MYT1L: variants seen among roughly 807,000 people sequenced by gnomAD.
MYT1L encodes the protein myelin transcription factor 1-like protein.
MYT1L carries 12 observed loss-of-function variants against 126.7 expected under a neutral mutation model. The ratio of observed to expected loss-of-function variants is 0.09; its 90% CI spans 0.06 to 0.15. The LOEUF is 0.15. MYT1L is among the 10% of genes least tolerant of loss of function. The probability of loss-of-function intolerance (pLI) is 1.00; values close to 1 mark genes in which losing one functional copy is unlikely to be tolerated. For synonymous variants in MYT1L, 541 were observed against 604.2 expected (o/e 0.90, Z 1.53); for missense variants, 979 against 1,585.2 (o/e 0.62, Z 6.49).
chr2:1,940,532 T>A (rs372506339), intron 9 of MYT1L, among the ~76,000 whole-genome samples: 40 of 115,052 alleles, frequency 3.5e-4, no homozygotes, highest in East Asian at 5.2e-4. Context: ...AGGTTATCTC[T>A]CAACATCTCC....
chr2:2,230,592 T>A (rs999104456), intron 2 of MYT1L, among the ~76,000 whole-genome samples: 2 of 152,172 alleles, frequency 1.3e-5, no homozygotes, highest in Non-Finnish European at 2.9e-5. Flanking sequence ...CAAGGTGACA[T>A]GTGACAGTGT....
chr2:1,905,658 A>G (rs1291041067), intron 13 of MYT1L, among the ~76,000 whole-genome samples: 2 of 152,206 alleles, frequency 1.3e-5, no homozygotes, highest in Admixed American at 6.5e-5. Flanking sequence ...CTGGAGGAAG[A>G]CAGTAATTTT....
chr2:1,964,912 C>T (rs548837079), intron 8 of MYT1L, among the ~76,000 whole-genome samples: 9 of 152,252 alleles, frequency 5.9e-5, no homozygotes, highest in East Asian at 3.9e-4. Flanking sequence ...GACTGACAGC[C>T]GTGGGTACAG....
At chr2:1,897,468 G>C (rs1376780934) in intron 14 of MYT1L, among the ~76,000 whole-genome samples, 1 of 149,244 alleles carries the variant, frequency 6.7e-6, no homozygotes, top group Non-Finnish European at 1.5e-5. Context: ...TTTTTTGTTT[G>C]TTTGTTTGTT....
At chr2:2,158,618 A>AACATAAACAC (rs2087156825) in intron 3 of MYT1L, among the ~76,000 whole-genome samples, 1 of 144,310 alleles carries the variant, frequency 6.9e-6, no homozygotes, top group African/African-American at 2.6e-5. Flanking sequence ...CCATGGCATA[A>AACATAAACAC]ACACACACAC....
At chr2:1,967,573 G>A (rs2059465785) in intron 8 of MYT1L, among the ~76,000 whole-genome samples, 1 of 152,182 alleles carries the variant, frequency 6.6e-6, no homozygotes, top group African/African-American at 2.4e-5. Flanking sequence ...AAACCATACT[G>A]GCCTCAGGGA....
chr2:2,289,800 A>C (rs1393001312), intron 1 of MYT1L, among the ~76,000 whole-genome samples: 1 of 152,234 alleles, frequency 6.6e-6, no homozygotes, highest in Non-Finnish European at 1.5e-5. Flanking sequence ...GTATTATTTT[A>C]AGTGATTTAG....
chr2:1,906,554 C>A (rs892570296), intron 13 of MYT1L, among the ~76,000 whole-genome samples: 3 of 152,004 alleles, frequency 2.0e-5, no homozygotes, highest in Non-Finnish European at 4.4e-5. Context: ...ACTTTTATAG[C>A]AGTATTGGAT....
chr2:1,963,479 T>C (rs1177342164), intron 8 of MYT1L, among the ~76,000 whole-genome samples: 1 of 152,222 alleles, frequency 6.6e-6, no homozygotes, highest in Admixed American at 6.5e-5. Flanking sequence ...CTTTGAAGCT[T>C]TGAACCCAGA....
chr2:2,095,359 C>G (rs1175705508), intron 3 of MYT1L, among the ~76,000 whole-genome samples: 1 of 152,216 alleles, frequency 6.6e-6, no homozygotes, highest in Non-Finnish European at 1.5e-5. Context: ...CTGGTATCAT[C>G]AATGCTCCTC....
Position 1,792,475 on chromosome 2 carries a change from C to A in MYT1L, c.3277-11G>T. On this transcript the variant is annotated splice_polypyrimidine_tract_variant and intron_variant, in intron 23 of 24. Coordinates refer to ENST00000647738, the MANE Select transcript of MYT1L (RefSeq NM_001303052.2). ...CTCCATCGTGGTAATCTGAAACGCA[C>A]AAGTGTGCGTGACATGTAACACCAG... The A allele has an allele frequency of 6.2e-7, 1 of 1,611,472 alleles. No individual in the cohort carries two copies. Among genetic ancestry groups the A allele is most frequent in the Non-Finnish European group, 8.5e-7 (1 of 1,178,160 alleles).
chr2:2,051,499 C>T (rs1343593631), intron 4 of MYT1L, among the ~76,000 whole-genome samples: 1 of 152,184 alleles, frequency 6.6e-6, no homozygotes, highest in Non-Finnish European at 1.5e-5. Context: ...AACCGCTGGA[C>T]ACCAGCGTAT....
At chr2:1,896,385 G>A (rs185739406) in intron 14 of MYT1L, among the ~76,000 whole-genome samples, 6 of 152,292 alleles carry the variant, frequency 3.9e-5, no homozygotes, top group East Asian at 3.9e-4. Flanking sequence ...ACATGCACTC[G>A]TATGCTCATC....
chr2:1,909,266 CA>C (rs916224619), intron 13 of MYT1L, among the ~76,000 whole-genome samples: 2 of 152,102 alleles, frequency 1.3e-5, no homozygotes, highest in African/African-American at 4.8e-5. Flanking sequence ...AAAGAAATAA[CA>C]GAAGCAAAGT....
intron 3 of MYT1L, among the ~76,000 whole-genome samples, chr2:2,109,420 G>A (rs1399177187): frequency 6.6e-6 from 1 of 152,090 alleles, no homozygotes; most frequent in Non-Finnish European, 1.5e-5. Flanking sequence ...GGCGCCAGAG[G>A]TAGGAGGTGA....
At chr2:2,104,980 C>T (rs2078571063) in intron 3 of MYT1L, among the ~76,000 whole-genome samples, 1 of 152,314 alleles carries the variant, frequency 6.6e-6, no homozygotes, top group East Asian at 1.9e-4. Flanking sequence ...GGACACATTA[C>T]ATTACTACTG....
rs2076533754 is a variant in MYT1L, at chr2:2,088,071, AGAG to A, written c.-303-33951_-303-33949del. 2.0e-5 allele frequency among the ~76,000 whole-genome samples: 3 copies of A among 152,244 alleles called. No homozygotes were observed. The South Asian group carries it at 6.2e-4, about 31-fold the overall frequency. On this transcript the variant is annotated intron_variant, in intron 3 of 24. Coordinates refer to ENST00000647738, the MANE Select transcript of MYT1L (RefSeq NM_001303052.2). ...CAAGAGGTCATGCAGCCAACAGCAC[AGAG>A]AAGAGTGCCCAGCACATGGTGAGCG...
intron 1 of MYT1L, among the ~76,000 whole-genome samples, chr2:2,285,994 T>TG (rs1222897138): frequency 6.6e-6 from 1 of 151,974 alleles, no homozygotes; most frequent in Non-Finnish European, 1.5e-5. Context: ...TCTTCCTTTT[T>TG]TTTTGTGAGA....
chr2:2,181,118 ACCTGTGTG>A (rs1252147200), intron 2 of MYT1L, among the ~76,000 whole-genome samples: 2 of 147,966 alleles, frequency 1.4e-5, no homozygotes, highest in African/African-American at 5.0e-5. Context: ...ATGTATCTGT[ACCTGTGTG>A]CCTGTGTACC....
Sources: gnomAD v4.1 joint callset for allele counts (sites outside exome capture counted in the v4.1 genomes callset) on GRCh38, gnomAD v4.1.1 for gene constraint, MANE v1.5 for transcripts, NCBI Gene and HGNC (gene_info 2026-07-23, HGNC 2026-07-21) for gene names.